Variants in SCN3A observed in about 807,000 individuals in gnomAD.
The protein encoded by SCN3A is sodium channel protein type 3 subunit alpha.
Under a neutral mutation model 187.6 loss-of-function variants are expected in SCN3A, and 60 were observed. The ratio of observed to expected loss-of-function variants is 0.32; its 90% confidence interval spans 0.26 to 0.40. SCN3A has a LOEUF of 0.40. Among genes scored for constraint, SCN3A ranks in the 10% least tolerant of loss-of-function variants. SCN3A has a pLI of 1.00. For missense variants in SCN3A, 1,601 were observed against 2,428.2 expected, an observed-to-expected ratio of 0.66 and a Z score of 7.16; for synonymous variants, 788 against 829.2, an observed-to-expected ratio of 0.95 and a Z score of 0.85.
chr2:165,121,922 T>C (rs940292045), intron 18 of SCN3A, among the ~76,000 whole-genome samples: 53 of 152,194 alleles, frequency 3.5e-4, no homozygotes, highest in African/African-American at 1.3e-3. Context: ...TTTCCAAGTC[T>C]CTTTTTTGCC....
At chr2:165,167,354 G>A (rs929445384) in intron 5 of SCN3A, among the ~76,000 whole-genome samples, 3 of 148,190 alleles carry the variant, frequency 2.0e-5, no homozygotes, top group African/African-American at 7.6e-5. Flanking sequence ...TTTCTAGGCA[G>A]CATTTTGAAG....
chr2:165,197,104 A>G (rs1692013576), intron 1 of SCN3A, among the ~76,000 whole-genome samples: 1 of 152,194 alleles, frequency 6.6e-6, no homozygotes, highest in South Asian at 2.1e-4. Context: ...TTTCAAATGT[A>G]AAATTATTTA....
intron 18 of SCN3A, among the ~76,000 whole-genome samples, chr2:165,118,592 T>A (rs749067966): frequency 2.6e-5 from 4 of 152,152 alleles, no homozygotes; most frequent in African/African-American, 9.7e-5. Context: ...TTAATCTTTT[T>A]TTTTTCCCCC....
intron 18 of SCN3A, among the ~76,000 whole-genome samples, chr2:165,117,807 A>G (rs1372361892): frequency 6.6e-6 from 1 of 152,150 alleles, no homozygotes; most frequent in Non-Finnish European, 1.5e-5. Flanking sequence ...TAAAAAAGTA[A>G]TTATACATGT....
At chr2:165,180,644 A>G (rs2105936801) in intron 2 of SCN3A, among the ~76,000 whole-genome samples, 1 of 152,260 alleles carries the variant, frequency 6.6e-6, no homozygotes, top group South Asian at 2.1e-4. Context: ...AGCAATGACA[A>G]GCAATTCATT....
intron 2 of SCN3A, 32 bp from the exon 3 acceptor site, chr2:165,176,476 G>A: frequency 6.4e-7 from 1 of 1,564,552 alleles, no homozygotes; most frequent in South Asian, 1.1e-5. Context: ...ACAAGAGTTA[G>A]GAAAGCAAGC....
At chr2:165,161,844 C>T (rs4667792) in intron 9 of SCN3A, among the ~76,000 whole-genome samples, 96,434 of 151,950 alleles carry the variant, frequency 0.63, 31,270 homozygotes, top group East Asian at 0.79. Flanking sequence ...ATACATGCTC[C>T]TTCAAGAATA....
intron 12 of SCN3A, among the ~76,000 whole-genome samples, chr2:165,141,290 G>A (rs982151111): frequency 2.6e-5 from 4 of 152,110 alleles, no homozygotes; most frequent in Non-Finnish European, 5.9e-5. Flanking sequence ...AATGCTATAG[G>A]TTAGGGACCA....
At chr2:165,203,230 CAT>C (rs906827281) in intron 1 of SCN3A, among the ~76,000 whole-genome samples, 24 of 151,870 alleles carry the variant, frequency 1.6e-4, no homozygotes, top group Admixed American at 5.9e-4. Flanking sequence ...TATTATGGAA[CAT>C]ATAGAGATTA....
chr2:165,188,265 G>A (rs1691362915), intron 1 of SCN3A, among the ~76,000 whole-genome samples: 1 of 152,046 alleles, frequency 6.6e-6, no homozygotes, highest in Non-Finnish European at 1.5e-5. Flanking sequence ...TATGGCCTTG[G>A]CTTCAAAGAG....
chr2:165,190,199 T>C (rs1273393738), intron 1 of SCN3A, among the ~76,000 whole-genome samples: 2 of 152,210 alleles, frequency 1.3e-5, no homozygotes, highest in East Asian at 1.9e-4. Context: ...GGGTGAAATA[T>C]TGAAATGTTG....
At chr2:165,185,875 A>G (rs1691196022) in intron 2 of SCN3A, among the ~76,000 whole-genome samples, 1 of 152,208 alleles carries the variant, frequency 6.6e-6, no homozygotes, top group South Asian at 2.1e-4. Context: ...GGTGAGCCAT[A>G]GATCCAATTA....
At chr2:165,128,430 AG>A (rs1687124732) in intron 17 of SCN3A, among the ~76,000 whole-genome samples, 3 of 150,372 alleles carry the variant, frequency 2.0e-5, no homozygotes, top group African/African-American at 7.3e-5. Flanking sequence ...TGCCAACGAG[AG>A]AGAGAGAGAG....
chr2:165,187,886 C>T (rs2105958543), intron 1 of SCN3A, among the ~76,000 whole-genome samples: 1 of 152,280 alleles, frequency 6.6e-6, no homozygotes, highest in African/African-American at 2.4e-5. Flanking sequence ...TATAATTCTT[C>T]AATAAATGTT....
intron 2 of SCN3A, among the ~76,000 whole-genome samples, chr2:165,182,205 C>T (rs1018138961): frequency 2.6e-5 from 4 of 152,140 alleles, no homozygotes; most frequent in Admixed American, 6.5e-5. Context: ...ATCTATACTT[C>T]GAGAACAACT....
At chr2:165,158,696 T>C (rs1369789724) in intron 9 of SCN3A, among the ~76,000 whole-genome samples, 18 of 138,210 alleles carry the variant, frequency 1.3e-4, no homozygotes, top group Non-Finnish European at 2.4e-4. Flanking sequence ...CACTTAGAAA[T>C]GTGCATTTAA....
chr2:165,093,030 C>A (rs1220918834), intron 26 of SCN3A: 1 of 153,920 alleles, frequency 6.5e-6, no homozygotes, highest in East Asian at 1.9e-4. Context: ...GCCTGAGAGA[C>A]AGAGTGAGAC....
In SCN3A at chr2:165,090,663, G is replaced by A. The variant is rs1433317113; in HGVS notation, c.5490C>T (p.Asn1830=). ...LDPPLLIAKP[N]KVQLIAMDLP... ...GATCCATGGCAATAAGCTGGACTTTGTTGGGTTTTGCTATGAGAAGAGGAG... is the reference window on the plus strand; with the variant it reads ...GATCCATGGCAATAAGCTGGACTTTATTGGGTTTTGCTATGAGAAGAGGAG... The change falls in exon 28 of 28, where the codon AAC becomes AAT. Residue 1830 remains asparagine, a synonymous_variant. Coordinates refer to ENST00000283254, the MANE Select transcript of SCN3A (RefSeq NM_006922.4). The surrounding 1 kb of genome is among the most constrained non-coding windows in gnomAD (Gnocchi z 4.0). The A allele has an allele frequency of 3.1e-6, 5 of 1,613,942 alleles. No individual in the cohort carries two copies. Among genetic ancestry groups the A allele is most frequent in the Non-Finnish European group, 4.2e-6 (5 of 1,179,992 alleles).
intron 20 of SCN3A, among the ~76,000 whole-genome samples, chr2:165,113,600 T>G (rs911815730): frequency 3.9e-5 from 6 of 152,162 alleles, no homozygotes; most frequent in African/African-American, 7.2e-5. Flanking sequence ...AAAACATCTG[T>G]TAGATAAACA....
Sources: allele counts gnomAD v4.1 joint callset (sites outside exome capture counted in the v4.1 genomes callset), GRCh38; gene constraint gnomAD v4.1.1; non-coding constraint Gnocchi (gnomAD v3.1); transcripts MANE v1.5; gene names NCBI Gene and HGNC (gene_info 2026-07-23, HGNC 2026-07-21).